Variants in SCN9A observed in about 807,000 individuals in gnomAD.
SCN9A encodes sodium voltage-gated channel alpha subunit 9, also known as sodium channel protein type 9 subunit alpha.
In SCN9A, 131 loss-of-function variants were observed where a neutral mutation model predicts 187.0. The observed-to-expected ratio is 0.70, with a 90% CI of 0.61 to 0.81. The LOEUF (loss-of-function observed/expected upper bound fraction) is 0.81. SCN9A is among the 30% of genes least tolerant of loss of function. The probability of loss-of-function intolerance (pLI) is 0.00; values close to 1 mark genes in which losing one functional copy is unlikely to be tolerated. For synonymous variants in SCN9A, 809 were observed against 808.6 expected (o/e 1.00, Z -0.01); for missense variants, 2,252 against 2,396.6 (o/e 0.94, Z 1.26).
At chr2:166,353,505 C>T (rs1180182478) in intron 1 of SCN9A, among the ~76,000 whole-genome samples, 1 of 152,138 alleles carries the variant, frequency 6.6e-6, no homozygotes, top group Non-Finnish European at 1.5e-5. Flanking sequence ...TATTTGCAGT[C>T]TACATTCCAG....
intron 12 of SCN9A, among the ~76,000 whole-genome samples, chr2:166,282,686 G>T (rs1697544836): frequency 6.6e-6 from 1 of 151,978 alleles, no homozygotes; most frequent in Admixed American, 6.6e-5. Context: ...TTCTAGATTT[G>T]TAAAGTTGTA....
At chr2:166,329,904 A>C (rs1404315295) in intron 1 of SCN9A, among the ~76,000 whole-genome samples, 1 of 151,954 alleles carries the variant, frequency 6.6e-6, no homozygotes, top group Admixed American at 6.6e-5. Context: ...TGTCTCCTTC[A>C]TTTTTGGCTT....
intron 17 of SCN9A, 127 bp from the exon 18 acceptor site, chr2:166,252,012 A>G (rs1696065003): frequency 2.9e-6 from 3 of 1,045,708 alleles, no homozygotes; most frequent in Non-Finnish European, 4.2e-6. Context: ...TATGATGGCC[A>G]TAAAAAATGT....
intron 10 of SCN9A, 43 bp downstream of exon 10, chr2:166,288,394 G>A (rs201197106): frequency 6.6e-6 from 10 of 1,508,358 alleles, no homozygotes; most frequent in Non-Finnish European, 9.1e-6. Context: ...GTAACCGTTT[G>A]CATTTCTACC....
intron 24 of SCN9A, among the ~76,000 whole-genome samples, chr2:166,214,654 A>G (rs1243705314): frequency 1.3e-5 from 2 of 148,408 alleles, no homozygotes; most frequent in Non-Finnish European, 3.0e-5. Flanking sequence ...AGCTGGGACT[A>G]CAGGCGCCCG....
intron 9 of SCN9A, among the ~76,000 whole-genome samples, chr2:166,289,518 C>CT (rs1222126607): frequency 2.6e-5 from 4 of 152,008 alleles, no homozygotes; most frequent in African/African-American, 9.7e-5. Flanking sequence ...TGAACTTATT[C>CT]TTTTTTATGG....
chr2:166,235,622 A>G (rs57128822), intron 20 of SCN9A, among the ~76,000 whole-genome samples: 3,117 of 151,786 alleles, frequency 0.021, 120 homozygotes, highest in African/African-American at 0.072. Flanking sequence ...CAACGTTTTC[A>G]GTTTTGAGAC....
chr2:166,237,346 G>A (rs75755662), intron 20 of SCN9A, among the ~76,000 whole-genome samples: 3,147 of 151,718 alleles, frequency 0.021, 121 homozygotes, highest in African/African-American at 0.073. Context: ...TTTCTACTTC[G>A]TTAAAATAAT....
At position 166,306,990 on chromosome 2, in the gene SCN9A, G is replaced by A. The variant is rs200162971; in HGVS notation, c.343C>T (p.Leu115=). The change falls in exon 3 of 27, where the codon CTA becomes TTA. Residue 115 remains leucine, a synonymous_variant. Transcript: ENST00000642356. ...ALYMLSPFSP[L]RRISIKILVH... ...AAAATCTTAATAGATATTCTTCTTA[G>A]AGGACTGAAAGGAGAAAGCATATAT... 5 of 1,607,528 alleles carry A rather than the reference G, an allele frequency of 3.1e-6. No homozygotes were observed. Among genetic ancestry groups the A allele is most frequent in the Non-Finnish European group, 4.3e-6 (5 of 1,174,386 alleles).
At chr2:166,308,675 C>A (rs572334430) in intron 2 of SCN9A, among the ~76,000 whole-genome samples, 1 of 152,136 alleles carries the variant, frequency 6.6e-6, no homozygotes. Context: ...GTGTTCCCAG[C>A]ACTTTGGGAG....
At chr2:166,270,745 C>A (rs1384150440) in intron 17 of SCN9A, among the ~76,000 whole-genome samples, 1 of 145,144 alleles carries the variant, frequency 6.9e-6, no homozygotes. Context: ...ATGCCTCAGC[C>A]TCCTGAGCAT....
intron 21 of SCN9A, among the ~76,000 whole-genome samples, chr2:166,229,886 C>T (rs1695007726): frequency 6.6e-6 from 1 of 152,136 alleles, no homozygotes; most frequent in Admixed American, 6.6e-5. Flanking sequence ...TACCTGTCAT[C>T]TTACACTTCA....
chr2:166,261,746 A>C (rs1188328897), intron 17 of SCN9A, among the ~76,000 whole-genome samples: 1 of 152,006 alleles, frequency 6.6e-6, no homozygotes, highest in Non-Finnish European at 1.5e-5. Flanking sequence ...ATGTACCCTT[A>C]AGTAAAATAG....
At chr2:166,349,538 A>G (rs1049791587) in intron 1 of SCN9A, among the ~76,000 whole-genome samples, 1 of 152,192 alleles carries the variant, frequency 6.6e-6, no homozygotes, top group South Asian at 2.1e-4. Flanking sequence ...GAGTATTTCA[A>G]TGGTCAGAGA....
intron 10 of SCN9A, among the ~76,000 whole-genome samples, chr2:166,287,310 T>G (rs894830471): frequency 6.6e-6 from 1 of 152,128 alleles, no homozygotes; most frequent in East Asian, 1.9e-4. Context: ...TATGTATGTA[T>G]AATTTTAAAA....
intron 1 of SCN9A, among the ~76,000 whole-genome samples, chr2:166,348,244 T>TA (rs35280187): frequency 1.0e-3 from 148 of 147,350 alleles, no homozygotes; most frequent in Non-Finnish European, 1.3e-3. Context: ...CTTCCAACAT[T>TA]AAAAAAAAAA....
chr2:166,278,292 C>T lies in SCN9A; in HGVS notation c.2365G>A (p.Ala789Thr), dbSNP rs1060502052. The T allele has an allele frequency of 1.2e-5, 19 of 1,605,090 alleles. No homozygotes were observed. The highest frequency in any genetic ancestry group is 1.5e-5 in the Non-Finnish European group (18 of 1,176,822). ...GCAATCAGTTTTAATACCATTTCAG[C>T]TGCAAAGATTCCAGTAAAGACCTAA... ...GNLVFTGIFAAEMVLKLIAMD... is the reference protein window; with the variant it reads ...GNLVFTGIFATEMVLKLIAMD... The change falls in exon 15 of 27, where the codon GCT becomes ACT. Residue 789 changes from alanine (A) to threonine (T), a missense_variant. By Grantham distance (58) the Ala-to-Thr change is moderately conservative. Around this residue, in one of 7 missense-constraint regions of SCN9A, gnomAD observed 1,013 missense variants for 997.4 expected, o/e 1.02. Transcript: ENST00000642356.
chr2:166,328,559 TTC>T (rs1699422602), intron 1 of SCN9A, among the ~76,000 whole-genome samples: 2 of 152,178 alleles, frequency 1.3e-5, no homozygotes, highest in Non-Finnish European at 2.9e-5. Context: ...TTTTAAAAAC[TTC>T]TTTTTCTGAA....
At chr2:166,240,466 C>T (rs1298460912) in intron 19 of SCN9A, among the ~76,000 whole-genome samples, 1 of 152,144 alleles carries the variant, frequency 6.6e-6, no homozygotes, top group Non-Finnish European at 1.5e-5. Context: ...AGAATGCCCT[C>T]CCCAAATGTC....
Sources: gnomAD v4.1 joint callset for allele counts (sites outside exome capture counted in the v4.1 genomes callset) on GRCh38, gnomAD v4.1.1 for gene constraint, gnomAD v4.1.1 regional missense constraint, MANE v1.5 for transcripts, NCBI Gene and HGNC (gene_info 2026-07-23, HGNC 2026-07-21) for gene names.